Variants in RIMS2 observed in about 807,000 individuals in gnomAD.
The protein encoded by RIMS2 is regulating synaptic membrane exocytosis 2, also known as regulating synaptic membrane exocytosis protein 2.
A neutral mutation model predicts 174.4 loss-of-function variants in RIMS2; 59 were observed. That is an observed-to-expected ratio of 0.34 (90% confidence interval 0.27 to 0.42). The LOEUF (loss-of-function observed/expected upper bound fraction) is 0.42, where lower values mean the gene tolerates loss of function less well. RIMS2 is among the 10% of genes least tolerant of loss of function. The pLI is 1.00. For missense variants in RIMS2, 1,620 were observed against 1,666.3 expected, an observed-to-expected ratio of 0.97 and a Z score of 0.48; for synonymous variants, 606 against 572.5, an observed-to-expected ratio of 1.06 and a Z score of -0.84.
chr8:103,974,491 G>C (rs1277826657), intron 15 of RIMS2, among the ~76,000 whole-genome samples: 1 of 152,102 alleles, frequency 6.6e-6, no homozygotes, highest in Non-Finnish European at 1.5e-5. Context: ...TCTACAACTT[G>C]AGTCAAACGT....
intron 5 of RIMS2, 105 bp downstream of exon 8, chr8:103,910,634 G>C (rs1217229867): frequency 2.3e-5 from 15 of 644,856 alleles, no homozygotes; most frequent in Non-Finnish European, 3.9e-5. Flanking sequence ...GCATCTCAAG[G>C]GTCACTGTAG....
intron 16 of RIMS2, 124 bp downstream of exon 18, chr8:103,975,630 G>T (rs753664240): frequency 2.5e-5 from 16 of 643,902 alleles, no homozygotes; most frequent in Non-Finnish European, 3.9e-5. Context: ...TGGCTCATAT[G>T]ATTATAAGAC....
chr8:103,813,523 G>A (rs1409617009), intron 3 of RIMS2, among the ~76,000 whole-genome samples: 1 of 151,982 alleles, frequency 6.6e-6, no homozygotes, highest in Non-Finnish European at 1.5e-5. Flanking sequence ...ATTTACATTA[G>A]GTGTATCTCC....
intron 15 of RIMS2, among the ~76,000 whole-genome samples, chr8:103,962,829 G>A (rs946164495): frequency 2.6e-5 from 4 of 152,104 alleles, no homozygotes; most frequent in African/African-American, 9.7e-5. Flanking sequence ...TACCTATTGA[G>A]TGTACTAACT....
chr8:104,241,841 C>A (rs2099299651), intron 19 of RIMS2, among the ~76,000 whole-genome samples: 1 of 152,170 alleles, frequency 6.6e-6, no homozygotes, highest in African/African-American at 2.4e-5. Context: ...CTCACTGCAA[C>A]CTCTGCCTCC....
chr8:103,706,016 T>C (rs1033705793), intron 2 of RIMS2, among the ~76,000 whole-genome samples: 1 of 148,922 alleles, frequency 6.7e-6, no homozygotes, highest in Admixed American at 6.8e-5. Context: ...GGATAAGTCA[T>C]TTTTTTTTCC....
chr8:103,786,140 G>A (rs1048696351), intron 3 of RIMS2, among the ~76,000 whole-genome samples: 8 of 151,912 alleles, frequency 5.3e-5, no homozygotes, highest in South Asian at 2.1e-4. Flanking sequence ...TTTTTATTGC[G>A]TCTATTTGAT....
intron 19 of RIMS2, among the ~76,000 whole-genome samples, chr8:104,048,369 A>G (rs1380317813): frequency 6.6e-6 from 1 of 152,208 alleles, no homozygotes; most frequent in African/African-American, 2.4e-5. Flanking sequence ...ACTATTTTAA[A>G]TGAGATATCA....
intron 3 of RIMS2, among the ~76,000 whole-genome samples, chr8:103,851,747 T>C (rs2098999681): frequency 6.6e-6 from 1 of 150,858 alleles, no homozygotes; most frequent in South Asian, 2.1e-4. Flanking sequence ...TGAAATAAAT[T>C]AAACCAAACA....
intron 1 of RIMS2, among the ~76,000 whole-genome samples, chr8:103,671,595 CTT>C (rs1302990636): frequency 2.0e-5 from 3 of 152,110 alleles, no homozygotes; most frequent in African/African-American, 7.2e-5. Flanking sequence ...AGACACAACA[CTT>C]TAGGATTTTA....
rs2082873641 is a variant in RIMS2, at chr8:103,942,946, T to C, written c.2701+20T>C. The stretch of plus-strand genomic sequence containing the variant: ...TGCAAAGTAAGTTTTACTAAAATTC[T>C]TTCATATTTTTATTGTATTTTCCTA... On this transcript the variant is annotated intron_variant, in intron 14 of 23. Transcript: ENST00000504942. 6.3e-7 allele frequency: 1 copy of C among 1,582,316 alleles called. No homozygotes were observed.
chr8:103,951,051 A>C (rs2085226412), intron 14 of RIMS2, among the ~76,000 whole-genome samples: 1 of 152,244 alleles, frequency 6.6e-6, no homozygotes, highest in Non-Finnish European at 1.5e-5. Flanking sequence ...CCTGGGATGC[A>C]AGATTGGTTC....
chr8:104,081,106 A>C (rs1415586583), intron 19 of RIMS2, among the ~76,000 whole-genome samples: 1 of 152,004 alleles, frequency 6.6e-6, no homozygotes, highest in African/African-American at 2.4e-5. Flanking sequence ...ACCTCAATAT[A>C]ACTTCCTGAG....
intron 3 of RIMS2, among the ~76,000 whole-genome samples, chr8:103,846,828 G>T (rs2098970212): frequency 6.6e-6 from 1 of 152,008 alleles, no homozygotes. Context: ...ACTGATTTGG[G>T]TGACATACCT....
chr8:103,525,177 CTT>C (rs1284881505), intron 1 of RIMS2, among the ~76,000 whole-genome samples: 2 of 152,090 alleles, frequency 1.3e-5, no homozygotes, highest in Non-Finnish European at 2.9e-5. Context: ...CATCAAGACT[CTT>C]CTTTTTTTTG....
chr8:103,683,903 C>G (rs1045250143), intron 1 of RIMS2, among the ~76,000 whole-genome samples: 1 of 151,962 alleles, frequency 6.6e-6, no homozygotes, highest in East Asian at 1.9e-4. Flanking sequence ...TCTGAAGTGA[C>G]AGAAAAAGTT....
intron 3 of RIMS2, among the ~76,000 whole-genome samples, chr8:103,781,419 T>G: frequency 6.6e-6 from 1 of 152,232 alleles, no homozygotes; most frequent in East Asian, 1.9e-4. Context: ...CTTGGTTCTT[T>G]GTCATTTTGG....
chr8:103,814,751 C>T (rs932929291), intron 3 of RIMS2, among the ~76,000 whole-genome samples: 2 of 152,044 alleles, frequency 1.3e-5, no homozygotes, highest in African/African-American at 4.8e-5. Context: ...TGATGGTGCA[C>T]ACCTATAGTC....
At chr8:103,904,688 G>A (rs1184542554) in intron 4 of RIMS2, among the ~76,000 whole-genome samples, 1 of 151,952 alleles carries the variant, frequency 6.6e-6, no homozygotes, top group Non-Finnish European at 1.5e-5. Flanking sequence ...GATTCTCTTT[G>A]CTAATATTTT....
Sources: gnomAD v4.1 joint callset for allele counts (sites outside exome capture counted in the v4.1 genomes callset) on GRCh38, gnomAD v4.1.1 for gene constraint, MANE v1.5 for transcripts, NCBI Gene and HGNC (gene_info 2026-07-23, HGNC 2026-07-21) for gene names.